SDK1: variants seen among roughly 807,000 people sequenced by gnomAD.
SDK1 encodes protein sidekick-1.
In SDK1, 157 loss-of-function variants were observed where a neutral mutation model predicts 245.5. That is an observed-to-expected ratio of 0.64 (90% CI 0.56 to 0.73). The LOEUF (loss-of-function observed/expected upper bound fraction) is 0.73, where lower values mean the gene tolerates loss of function less well. SDK1 is among the 30% of genes least tolerant of loss of function. The probability of loss-of-function intolerance (pLI) is 0.00; values close to 1 mark genes in which losing one functional copy is unlikely to be tolerated. For missense variants in SDK1, 3,583 were observed against 3,002.3 expected, an observed-to-expected ratio of 1.19 and a Z score of -4.52; for synonymous variants, 1,647 against 1,278.5, an observed-to-expected ratio of 1.29 and a Z score of -6.15.
intron 1 of SDK1, among the ~76,000 whole-genome samples, chr7:3,434,829 G>A (rs1374965338): frequency 6.6e-6 from 1 of 152,154 alleles, no homozygotes; most frequent in Non-Finnish European, 1.5e-5. Context: ...GCACACCCTA[G>A]TGGAGCCTGC....
intron 1 of SDK1, among the ~76,000 whole-genome samples, chr7:3,610,920 C>G (rs1781568141): frequency 6.6e-6 from 1 of 152,178 alleles, no homozygotes; most frequent in African/African-American, 2.4e-5. Context: ...TGGAGAAAAT[C>G]CCACACTTGT....
Position 4,265,849 on chromosome 7 carries a change from A to T in SDK1, c.*465A>T. 1.0e-6 allele frequency: 1 copy of T among 990,380 alleles called. No homozygotes were observed. The highest frequency in any genetic ancestry group is 1.2e-6 in the Non-Finnish European group (1 of 833,704). The allele number at this position is 990,380 out of a possible 1,614,324, so 61.3% of individuals were successfully genotyped here. On this transcript the variant is annotated 3_prime_UTR_variant, in exon 45 of 45. Coordinates refer to ENST00000404826, the MANE Select transcript of SDK1 (RefSeq NM_152744.4). Reference sequence around the variant, plus strand: ...GCTCACACCCTTCTCAACGCAGGACATCCTCGGCGGCTCCTGGGGTTTGAA... The same window carrying T: ...GCTCACACCCTTCTCAACGCAGGACTTCCTCGGCGGCTCCTGGGGTTTGAA...
At chr7:3,729,634 C>A (rs2115039200) in intron 4 of SDK1, among the ~76,000 whole-genome samples, 1 of 152,228 alleles carries the variant, frequency 6.6e-6, no homozygotes, top group African/African-American at 2.4e-5. Flanking sequence ...TTCCCTAGAC[C>A]CTGAGGCATG....
In SDK1 at chr7:4,067,908, G is replaced by C; in HGVS notation, c.2982G>C (p.Glu994Asp). 3 of 1,612,784 alleles carry C rather than the reference G, an allele frequency of 1.9e-6. No individual in the cohort carries two copies. The highest frequency in any genetic ancestry group is 2.5e-6 in the Non-Finnish European group (3 of 1,179,392). ...CATCTCTCAAGGTCAGCTGGCAGGA[G>C]CCCCTGGAGAAAAATGGCATCATTA... is the stretch of plus-strand genomic sequence containing the variant. ...LDTSLKVSWQ[E>D]PLEKNGIITG... The change falls in exon 20 of 45, where the codon GAG becomes GAC. Residue 994 changes from glutamate (E) to aspartate (D), a missense_variant. Transcript: ENST00000404826.
At chr7:3,821,198 C>T (rs916942300) in intron 4 of SDK1, among the ~76,000 whole-genome samples, 2 of 152,148 alleles carry the variant, frequency 1.3e-5, no homozygotes, top group African/African-American at 2.4e-5. Flanking sequence ...GTCTTCTTCA[C>T]AGTCAGGTGC....
At chr7:3,941,755 C>G (rs534798176) in intron 5 of SDK1, among the ~76,000 whole-genome samples, 1 of 152,294 alleles carries the variant, frequency 6.6e-6, no homozygotes, top group African/African-American at 2.4e-5. Context: ...ACCTCTTTGA[C>G]GAAGTGGACG....
At chr7:3,600,362 A>T (rs1020328211) in intron 1 of SDK1, among the ~76,000 whole-genome samples, 4 of 152,146 alleles carry the variant, frequency 2.6e-5, no homozygotes, top group Admixed American at 6.5e-5. Context: ...CAGTAACATC[A>T]TCTACAAATA....
chr7:4,118,144 A>G (rs12537891), intron 25 of SDK1, among the ~76,000 whole-genome samples: 13,711 of 152,244 alleles, frequency 0.09, 935 homozygotes, highest in African/African-American at 0.18. Flanking sequence ...AGGAAATGAA[A>G]AAAACTCCCC....
intron 14 of SDK1, among the ~76,000 whole-genome samples, chr7:3,990,331 G>A (rs1784200819): frequency 6.6e-6 from 1 of 152,234 alleles, no homozygotes; most frequent in Admixed American, 6.5e-5. Flanking sequence ...TCCCCTGCGG[G>A]GGGCCTCTGC....
At chr7:3,951,064 AG>A in intron 6 of SDK1, 30 bp downstream of exon 6, 1 of 1,465,968 alleles carries the variant, frequency 6.8e-7, no homozygotes, top group South Asian at 1.1e-5. Context: ...TGAGACTCCT[AG>A]TAAATATTCC....
chr7:4,059,786 A>G (rs111751989), intron 19 of SDK1, among the ~76,000 whole-genome samples: 7,527 of 152,278 alleles, frequency 0.049, 322 homozygotes, highest in African/African-American at 0.11. Context: ...GTAATGAGGA[A>G]CTTTGGAATC....
At chr7:3,787,351 T>C (rs1371358755) in intron 4 of SDK1, among the ~76,000 whole-genome samples, 2 of 151,894 alleles carry the variant, frequency 1.3e-5, no homozygotes, top group South Asian at 2.1e-4. Flanking sequence ...ACAAAGAAAA[T>C]AGTTACTTCA....
At chr7:3,937,582 C>T (rs930337762) in intron 5 of SDK1, among the ~76,000 whole-genome samples, 11 of 152,212 alleles carry the variant, frequency 7.2e-5, no homozygotes, top group Non-Finnish European at 1.2e-4. Context: ...GTTCGCTGGA[C>T]GGATCTAAGA....
At chr7:3,813,329 T>TC (rs1779431710) in intron 4 of SDK1, among the ~76,000 whole-genome samples, 1 of 146,792 alleles carries the variant, frequency 6.8e-6, no homozygotes, top group Non-Finnish European at 1.5e-5. Context: ...TTCTCATTGT[T>TC]CATTTCCCAC....
At chr7:3,656,039 T>C (rs1783171534) in intron 4 of SDK1, among the ~76,000 whole-genome samples, 1 of 152,208 alleles carries the variant, frequency 6.6e-6, no homozygotes, top group South Asian at 2.1e-4. Flanking sequence ...CCACCTCTGC[T>C]CACGGTGTTC....
At chr7:3,438,983 G>T (rs1304332011) in intron 1 of SDK1, among the ~76,000 whole-genome samples, 1 of 151,538 alleles carries the variant, frequency 6.6e-6, no homozygotes, top group East Asian at 1.9e-4. Flanking sequence ...CTCCCGAGTA[G>T]TTGGGATTAC....
At chr7:3,611,467 TG>T in intron 1 of SDK1, among the ~76,000 whole-genome samples, 1 of 152,314 alleles carries the variant, frequency 6.6e-6, no homozygotes, top group Admixed American at 6.5e-5. Context: ...CTGTCCTCAC[TG>T]CCTTTTCTCA....
At chr7:3,512,301 A>G (rs1400628925) in intron 1 of SDK1, among the ~76,000 whole-genome samples, 2 of 152,102 alleles carry the variant, frequency 1.3e-5, no homozygotes, top group Non-Finnish European at 2.9e-5. Flanking sequence ...TTGATAACTC[A>G]CTTGTTTTCA....
At chr7:3,604,296 G>A (rs551400905) in intron 1 of SDK1, among the ~76,000 whole-genome samples, 11 of 152,168 alleles carry the variant, frequency 7.2e-5, no homozygotes, top group Non-Finnish European at 1.5e-4. Context: ...GAATTCGGCT[G>A]TGAATCCATC....
Sources: gnomAD v4.1 joint callset for allele counts (sites outside exome capture counted in the v4.1 genomes callset) on GRCh38, gnomAD v4.1.1 for gene constraint, MANE v1.5 for transcripts, NCBI Gene and HGNC (gene_info 2026-07-23, HGNC 2026-07-21) for gene names.